The following ADCY6 variants were observed in gnomAD, a reference collection of about 807,000 sequenced individuals.
ADCY6 encodes the protein adenylate cyclase type 6.
In ADCY6, 59 loss-of-function variants were observed where a neutral mutation model predicts 111.6. The ratio of observed to expected loss-of-function variants is 0.53; its 90% CI spans 0.43 to 0.66. ADCY6 has a LOEUF of 0.66. Ranked by LOEUF, ADCY6 falls within the 30% of genes least tolerant of loss-of-function variation. The pLI, the probability that ADCY6 is intolerant of heterozygous loss-of-function variation, is 0.00. For synonymous variants in ADCY6, 576 were observed against 642.9 expected, an observed-to-expected ratio of 0.90 and a Z score of 1.57; for missense variants, 1,242 against 1,595.6, an observed-to-expected ratio of 0.78 and a Z score of 3.78.
chr12:48,769,621 C>T (rs1224217845), intron 20 of ADCY6, among the ~76,000 whole-genome samples: 1 of 148,042 alleles, frequency 6.8e-6, no homozygotes, highest in Non-Finnish European at 1.5e-5. Context: ...GAGTCTTGCT[C>T]TGTTGCCCAG....
intron 1 of ADCY6, among the ~76,000 whole-genome samples, chr12:48,784,672 T>TTTTTTTTTTTG: frequency 7.3e-6 from 1 of 136,856 alleles, no homozygotes; most frequent in Non-Finnish European, 1.6e-5. Context: ...GGAGTTTTTT[T>TTTTTTTTTTTG]TTTTTTTTTT....
At chr12:48,786,253 A>G (rs534931883) in intron 1 of ADCY6, among the ~76,000 whole-genome samples, 67 of 152,324 alleles carry the variant, frequency 4.4e-4, no homozygotes, top group Non-Finnish European at 5.9e-4. Context: ...CGCAGAAGGC[A>G]GGCTGGGGAA....
rs1204558980 is a variant in ADCY6, at chr12:48,784,375, C to CAA, written c.-4-939_-4-938dup. Among the ~76,000 whole-genome samples the CAA allele has an allele frequency of 2.6e-5, 4 of 151,448 alleles. No individual in the cohort carries two copies. The East Asian group carries it at 7.7e-4, about 29-fold the overall frequency. The stretch of plus-strand genomic sequence containing the variant: ...GAAAAGAAAAGAAGAAAGAGTTGCC[C>CAA]AAAGATCCAGCAGCCACATAAGTGA... On this transcript the variant is annotated intron_variant, in intron 1 of 21. Coordinates refer to ENST00000357869, the MANE Select transcript of ADCY6 (RefSeq NM_015270.5).
rs764494192 is a variant in ADCY6 at position 48,770,756 on chromosome 12, G to A, written c.3256+10C>T. The A allele has an allele frequency of 1.2e-6, 2 of 1,612,528 alleles. No homozygotes were observed. Among genetic ancestry groups the A allele is most frequent in the Non-Finnish European group, 8.5e-7 (1 of 1,178,918 alleles). On this transcript the variant is annotated intron_variant, in intron 20 of 21. Transcript: ENST00000357869. ...CTGGGAAAACCCGCCAAGCAACAAAGCCCTCTTACCAATCTTCATCTGGAA... is the reference window on the plus strand; with the variant it reads ...CTGGGAAAACCCGCCAAGCAACAAAACCCTCTTACCAATCTTCATCTGGAA...
At position 48,776,402 on chromosome 12, in the gene ADCY6, C is replaced by T. The variant is rs747338752; in HGVS notation, c.1535+26G>A. The T allele has an allele frequency of 6.6e-7, 1 of 1,513,236 alleles. No homozygotes were observed. The highest frequency in any genetic ancestry group is 1.4e-5 in the African/African-American group (1 of 73,014). The allele number at this position is 1,513,236 out of a possible 1,614,324, so 93.7% of individuals were successfully genotyped here. On this transcript the variant is annotated intron_variant, in intron 7 of 21. Transcript: ENST00000357869. The surrounding 1 kb of genome is among the most constrained non-coding windows in gnomAD (Gnocchi z 6.1). ...CTGGCTCTCCCACCTTGCCCCCATC[C>T]CCCCCACCTGGACCCCCCTACTCAC...
Position 48,776,270 on chromosome 12 carries a change from T to G in ADCY6, c.1616A>C (p.Asn539Thr). 6.2e-7 allele frequency: 1 copy of G among 1,614,216 alleles called. No individual in the cohort carries two copies. The highest frequency in any genetic ancestry group is 1.3e-5 in the African/African-American group (1 of 75,064). ...EVEPGRGGER[N>T]AYLKEQHIET... Reference sequence around the variant, plus strand: ...AATGTGCTGCTCCTTGAGGTACGCGTTGCGCTCGCCACCACGGCCTGGCTC... The same window carrying G: ...AATGTGCTGCTCCTTGAGGTACGCGGTGCGCTCGCCACCACGGCCTGGCTC... The change falls in exon 8 of 22, where the codon AAC (asparagine) becomes ACC (threonine). Residue 539 changes from asparagine to threonine, a missense_variant. Transcript: ENST00000357869. The surrounding 1 kb of genome is among the most constrained non-coding windows in gnomAD (Gnocchi z 6.1).
rs1417436646 is a variant in ADCY6, at chr12:48,774,225, C to T, written c.2284-127G>A. On this transcript the variant is annotated intron_variant, in intron 14 of 21. Coordinates refer to ENST00000357869, the MANE Select transcript of ADCY6 (RefSeq NM_015270.5). ...TATACCCCATGGGCCTTAGTACTCA[C>T]TCAGGGATGACAAGAGGTTGGGAGA... is the stretch of plus-strand genomic sequence containing the variant. The T allele has an allele frequency of 1.8e-5, 20 of 1,087,936 alleles. No homozygotes were observed. The South Asian group carries it at 2.1e-4, about 12-fold the overall frequency. 67.4% of individuals were successfully genotyped at this position (1,087,936 alleles called of 1,614,324 possible).
rs943271285 is a variant in ADCY6, at chr12:48,768,208, G to C, written c.*383C>G. On this transcript the variant is annotated 3_prime_UTR_variant, in exon 22 of 22. Coordinates refer to ENST00000357869, the MANE Select transcript of ADCY6 (RefSeq NM_015270.5). Reference sequence around the variant, plus strand: ...CCCAGGAAAAAAGAGGGAAAAGAAGGGCTCAGCCCTGAACCTGCTGCCCAG... The same window carrying C: ...CCCAGGAAAAAAGAGGGAAAAGAAGCGCTCAGCCCTGAACCTGCTGCCCAG... 7.1e-6 allele frequency: 2 copies of C among 280,124 alleles called. No homozygotes were observed. Among genetic ancestry groups the C allele is most frequent in the African/African-American group, 4.4e-5 (2 of 45,478 alleles). The allele number at this position is 280,124 out of a possible 1,614,324, so 17.4% of individuals were successfully genotyped here.
chr12:48,783,632 G>A lies in ADCY6; in HGVS notation c.-4-194C>T, dbSNP rs80022323. On this transcript the variant is annotated intron_variant, in intron 1 of 21. Transcript: ENST00000357869. Reference sequence around the variant, plus strand: ...CCCCAATCAACAGGTGAGAACCCAAGACACAGTCAGGACAAGAAACTTGCC... The same window carrying A: ...CCCCAATCAACAGGTGAGAACCCAAAACACAGTCAGGACAAGAAACTTGCC... The A allele has an allele frequency of 3.0e-4, 404 of 1,348,924 alleles. 2 individuals carry two copies. The East Asian group carries it at 0.01, about 34-fold the overall frequency. 83.6% of individuals were successfully genotyped at this position (1,348,924 alleles called of 1,614,324 possible).
chr12:48,784,227 T>C (rs1459553029), intron 1 of ADCY6: 8 of 93,310 alleles, frequency 8.6e-5, no homozygotes, highest in African/African-American at 3.2e-4. Flanking sequence ...GCCTGGGCAA[T>C]AGCCATAGCC....
In ADCY6 at chr12:48,771,962, C is replaced by T. The variant is rs746847957; in HGVS notation, c.2799G>A (p.Glu933=). 1.9e-6 allele frequency: 3 copies of T among 1,610,086 alleles called. No homozygotes were observed. In the African/African-American group the frequency reaches 4.0e-5, roughly 21 times the overall value. ...CCTGTAGCTCCTCCATCTCCTCCTT[C>T]TCCCCTGTTGCCTGTGGACACCACA... The part of the protein sequence containing the change: ...DFLWKLQATG[E]KEEMEELQAY... Residue 933 remains glutamate (E), a synonymous_variant, in exon 19 of 22, where the codon GAG becomes GAA. Coordinates refer to ENST00000357869, the MANE Select transcript of ADCY6 (RefSeq NM_015270.5). The surrounding 1 kb of genome is among the most constrained non-coding windows in gnomAD (Gnocchi z 4.3).
intron 9 of ADCY6, 97 bp from the exon 10 acceptor site, chr12:48,775,795 C>A: frequency 6.5e-7 from 1 of 1,528,562 alleles, no homozygotes; most frequent in Non-Finnish European, 8.9e-7. Context: ...GAGGGTGTCC[C>A]CGTCATATCC....
chr12:48,773,248 A>T (rs1360203189), intron 16 of ADCY6, among the ~76,000 whole-genome samples: 7 of 151,488 alleles, frequency 4.6e-5, no homozygotes. Flanking sequence ...TTTTTTTTTT[A>T]ATGTCTAGCC....
intron 10 of ADCY6, 59 bp downstream of exon 10, chr12:48,775,614 T>C: frequency 6.3e-7 from 1 of 1,591,496 alleles, no homozygotes; most frequent in South Asian, 1.1e-5. Context: ...GGATCTCGGC[T>C]CCCCCCAGCC....
chr12:48,771,726 ATGATC>A lies in ADCY6; in HGVS notation c.3030_3034del (p.Glu1010AspfsTer3). ...GAAAAGTACCTCATCAAAGTCAGCG[ATGATC>A]TCGTTGAGCAGCCGCAGGCACTCGA... On this transcript the variant is annotated frameshift_variant, in exon 19 of 22. Coordinates refer to ENST00000357869, the MANE Select transcript of ADCY6 (RefSeq NM_015270.5). LOFTEE classifies it high-confidence loss of function. The surrounding 1 kb of genome is among the most constrained non-coding windows in gnomAD (Gnocchi z 4.3). 2.5e-6 allele frequency: 4 copies of A among 1,614,144 alleles called. No homozygotes were observed. The highest frequency in any genetic ancestry group is 3.4e-6 in the Non-Finnish European group (4 of 1,180,038).
At chr12:48,779,946 A>G (rs1273712881) in intron 2 of ADCY6, among the ~76,000 whole-genome samples, 1 of 152,060 alleles carries the variant, frequency 6.6e-6, no homozygotes. Context: ...TGGGCCTCCT[A>G]GCTTCCCTTC....
chr12:48,777,390 C>T lies in ADCY6; in HGVS notation c.1248+20G>A, dbSNP rs1941732463. 1 of 1,613,110 alleles carries T rather than the reference C, an allele frequency of 6.2e-7. No homozygotes were observed. The highest frequency in any genetic ancestry group is 8.5e-7 in the Non-Finnish European group (1 of 1,179,370). On this transcript the variant is annotated intron_variant, in intron 5 of 21. Coordinates refer to ENST00000357869, the MANE Select transcript of ADCY6 (RefSeq NM_015270.5). This position sits in a 1 kb window ranked among gnomAD's most constrained non-coding sequence, Gnocchi z 4.9. ...CCACGGTCAACACCCAGGCCCAATC[C>T]CAAGGCCCAGCACCCTCACCGCAGC...
chr12:48,776,152 C>T lies in ADCY6; in HGVS notation c.1677+57G>A. 3.1e-6 allele frequency: 5 copies of T among 1,613,852 alleles called. No individual in the cohort carries two copies. Among genetic ancestry groups the T allele is most frequent in the Non-Finnish European group, 3.4e-6 (4 of 1,179,888 alleles). ...GGCCCAGAGGAGGCCTTGGCCTGCTCCTCCCCATTTGTCCCTCTTCTTGCT... is the reference window on the plus strand; with the variant it reads ...GGCCCAGAGGAGGCCTTGGCCTGCTTCTCCCCATTTGTCCCTCTTCTTGCT... On this transcript the variant is annotated intron_variant, in intron 8 of 21. Coordinates refer to ENST00000357869, the MANE Select transcript of ADCY6 (RefSeq NM_015270.5). This position sits in a 1 kb window ranked among gnomAD's most constrained non-coding sequence, Gnocchi z 6.1.
At chr12:48,773,252 T>C (rs556894201) in intron 16 of ADCY6, among the ~76,000 whole-genome samples, 2 of 151,994 alleles carry the variant, frequency 1.3e-5, no homozygotes, top group Non-Finnish European at 2.9e-5. Flanking sequence ...TTTTTTAATG[T>C]CTAGCCTAAA....
Sources: gnomAD v4.1 joint callset for allele counts (sites outside exome capture counted in the v4.1 genomes callset) on GRCh38, gnomAD v4.1.1 for gene constraint, Gnocchi (gnomAD v3.1) non-coding constraint, MANE v1.5 for transcripts, NCBI Gene and HGNC (gene_info 2026-07-23, HGNC 2026-07-21) for gene names.